The following ANKH variants were observed in gnomAD, a reference collection of about 807,000 sequenced individuals.
ANKH encodes the protein mineralization regulator ANKH.
A neutral mutation model predicts 49.0 loss-of-function variants in ANKH; 15 were observed. The observed-to-expected ratio is 0.31, with a 90% CI of 0.20 to 0.47. The LOEUF is 0.47. ANKH is among the 20% of genes least tolerant of loss of function. The pLI, the probability that ANKH is intolerant of heterozygous loss-of-function variation, is 1.00. For missense variants in ANKH, 429 were observed against 652.0 expected, an observed-to-expected ratio of 0.66 and a Z score of 3.72; for synonymous variants, 273 against 260.0, an observed-to-expected ratio of 1.05 and a Z score of -0.48.
chr5:14,802,626 C>T (rs972600598), intron 1 of ANKH, among the ~76,000 whole-genome samples: 6 of 152,064 alleles, frequency 3.9e-5, no homozygotes, highest in African/African-American at 1.4e-4. Context: ...TCCCTCACCT[C>T]CTCTTCTCCA....
chr5:14,765,915 G>A (rs1211872977), intron 2 of ANKH, among the ~76,000 whole-genome samples: 1 of 152,146 alleles, frequency 6.6e-6, no homozygotes, highest in Non-Finnish European at 1.5e-5. Flanking sequence ...TCCAGGGATT[G>A]GTAAATTATT....
intron 1 of ANKH, among the ~76,000 whole-genome samples, chr5:14,809,775 A>G (rs1240276768): frequency 6.6e-6 from 1 of 152,088 alleles, no homozygotes; most frequent in East Asian, 1.9e-4. Flanking sequence ...AGAAGCCTCC[A>G]AAGAAAACTC....
chr5:14,729,598 G>A (rs1737931283), intron 8 of ANKH, among the ~76,000 whole-genome samples: 2 of 151,900 alleles, frequency 1.3e-5, no homozygotes, highest in Non-Finnish European at 2.9e-5. Flanking sequence ...CTGTACCTCC[G>A]CCTCTACCTG....
At chr5:14,711,691 A>T (rs1737213008) in intron 11 of ANKH, among the ~76,000 whole-genome samples, 1 of 152,182 alleles carries the variant, frequency 6.6e-6, no homozygotes, top group Non-Finnish European at 1.5e-5. Context: ...ATCTCACATT[A>T]TCAAAATATT....
At chr5:14,809,636 G>C (rs1050807383) in intron 1 of ANKH, among the ~76,000 whole-genome samples, 3 of 152,190 alleles carry the variant, frequency 2.0e-5, no homozygotes, top group Non-Finnish European at 4.4e-5. Context: ...GACATAAACT[G>C]TTCATGGGAT....
intron 1 of ANKH, among the ~76,000 whole-genome samples, chr5:14,856,624 T>A (rs1310553326): frequency 6.6e-6 from 1 of 151,854 alleles, no homozygotes; most frequent in African/African-American, 2.4e-5. Flanking sequence ...ATTTCCCCTC[T>A]CCTTTTCTCC....
At chr5:14,772,286 T>TTC (rs559304547) in intron 1 of ANKH, among the ~76,000 whole-genome samples, 11 of 152,192 alleles carry the variant, frequency 7.2e-5, no homozygotes, top group Non-Finnish European at 1.2e-4. Flanking sequence ...AGAGTTGACA[T>TTC]TCTCTGCAAA....
chr5:14,768,520 T>G (rs2126510616), intron 2 of ANKH: 1 of 212,388 alleles, frequency 4.7e-6, no homozygotes, highest in South Asian at 7.3e-5. Flanking sequence ...AGTCTTGTCT[T>G]TGAATAAAAT....
At position 14,711,139 on chromosome 5, in the gene ANKH, T is replaced by C; in HGVS notation, c.*58A>G. On this transcript the variant is annotated 3_prime_UTR_variant, in exon 12 of 12. Transcript: ENST00000284268. ...AAAATACGATGGGAGAGGGAAGAGA[T>C]GATGCCGAAGTGTCATCCTGACTGA... is the stretch of plus-strand genomic sequence containing the variant. 1 of 1,379,610 alleles carries C rather than the reference T, an allele frequency of 7.2e-7. No homozygotes were observed. Among genetic ancestry groups the C allele is most frequent in the Non-Finnish European group, 1.0e-6 (1 of 966,460 alleles). The allele number at this position is 1,379,610 out of a possible 1,614,324, so 85.5% of individuals were successfully genotyped here.
In ANKH at chr5:14,762,190, C is replaced by T. The variant is rs544673620; in HGVS notation, c.314-3592G>A. On this transcript the variant is annotated intron_variant, in intron 2 of 11. Coordinates refer to ENST00000284268, the MANE Select transcript of ANKH (RefSeq NM_054027.6). ...AAATAAACTCTCTATATAATTTAAC[C>T]TCAGTTTCTTAAATATAGCTACTTA... 3.3e-5 allele frequency among the ~76,000 whole-genome samples: 5 copies of T among 152,318 alleles called. No individual in the cohort carries two copies. The South Asian group carries it at 6.2e-4, about 19-fold the overall frequency.
chr5:14,795,149 A>G (rs1740333538), intron 1 of ANKH, among the ~76,000 whole-genome samples: 1 of 151,476 alleles, frequency 6.6e-6, no homozygotes, highest in African/African-American at 2.4e-5. Flanking sequence ...GCACAGAAAC[A>G]TTTTCCATTT....
chr5:14,858,165 T>G (rs1735336867), intron 1 of ANKH, among the ~76,000 whole-genome samples: 1 of 152,242 alleles, frequency 6.6e-6, no homozygotes, highest in Non-Finnish European at 1.5e-5. Context: ...CAATAATTTT[T>G]GGAGTACAGG....
chr5:14,710,910 A>C lies in ANKH; in HGVS notation c.*287T>G, dbSNP rs1339140445. 2.4e-6 allele frequency: 1 copy of C among 415,470 alleles called. No homozygotes were observed. The highest frequency in any genetic ancestry group is 2.0e-5 in the African/African-American group (1 of 48,808). 25.7% of individuals were successfully genotyped at this position (415,470 alleles called of 1,614,324 possible). ...GTCCAGGGGAGGAGGACACAACGTC[A>C]ACCGTGAGGCAGCTGTGTCTTTTGG... is the stretch of plus-strand genomic sequence containing the variant. On this transcript the variant is annotated 3_prime_UTR_variant, in exon 12 of 12. Coordinates refer to ENST00000284268, the MANE Select transcript of ANKH (RefSeq NM_054027.6).
chr5:14,776,738 G>A (rs1428298723), intron 1 of ANKH, among the ~76,000 whole-genome samples: 3 of 152,230 alleles, frequency 2.0e-5, no homozygotes, highest in East Asian at 3.8e-4. Context: ...ATTAGGCCTC[G>A]AGGCAGACGG....
At chr5:14,852,009 C>T (rs1444001898) in intron 1 of ANKH, among the ~76,000 whole-genome samples, 2 of 152,230 alleles carry the variant, frequency 1.3e-5, no homozygotes, top group African/African-American at 2.4e-5. Flanking sequence ...GGGCTGGGTG[C>T]AGTGGCACAC....
At chr5:14,779,089 G>C (rs1352298765) in intron 1 of ANKH, among the ~76,000 whole-genome samples, 2 of 152,108 alleles carry the variant, frequency 1.3e-5, no homozygotes, top group African/African-American at 4.8e-5. Flanking sequence ...TTCTCTCTCT[G>C]AAACTACAAA....
intron 1 of ANKH, among the ~76,000 whole-genome samples, chr5:14,826,852 G>A (rs1019855666): frequency 2.0e-5 from 3 of 152,112 alleles, no homozygotes; most frequent in African/African-American, 7.2e-5. Flanking sequence ...GTTCTTTTCT[G>A]CTTCCTGGGC....
At chr5:14,728,909 C>CACCCCA (rs1737906180) in intron 8 of ANKH, among the ~76,000 whole-genome samples, 1 of 152,118 alleles carries the variant, frequency 6.6e-6, no homozygotes, top group African/African-American at 2.4e-5. Context: ...GCCCAAGCAG[C>CACCCCA]GGCAAGACAG....
At chr5:14,727,822 G>A (rs1449855041) in intron 8 of ANKH, among the ~76,000 whole-genome samples, 1 of 152,048 alleles carries the variant, frequency 6.6e-6, no homozygotes, top group African/African-American at 2.4e-5. Context: ...GGACTTCACT[G>A]TCCCTTTAAA....
Sources: gnomAD v4.1 joint callset for allele counts (sites outside exome capture counted in the v4.1 genomes callset) on GRCh38, gnomAD v4.1.1 for gene constraint, MANE v1.5 for transcripts, NCBI Gene and HGNC (gene_info 2026-07-23, HGNC 2026-07-21) for gene names.